Variants in SLC9A9 observed in about 807,000 individuals in gnomAD.
The protein encoded by SLC9A9 is solute carrier family 9 member A9.
In SLC9A9, 62 loss-of-function variants were observed where a neutral mutation model predicts 77.8. The ratio of observed to expected loss-of-function variants is 0.80; its 90% CI spans 0.65 to 0.98. The LOEUF is 0.98. Ranked by LOEUF, SLC9A9 falls within the 50% of genes least tolerant of loss-of-function variation. The pLI is 0.00. For synonymous variants in SLC9A9, 320 were observed against 283.5 expected (o/e 1.13, Z -1.29); for missense variants, 775 against 774.9 (o/e 1.00, Z 0.00).
At chr3:143,337,746 T>G (rs1487066077) in intron 14 of SLC9A9, among the ~76,000 whole-genome samples, 1 of 152,230 alleles carries the variant, frequency 6.6e-6, no homozygotes, top group African/African-American at 2.4e-5. Context: ...TGGCAAACCT[T>G]GATGCAGGTT....
At chr3:143,810,072 C>A (rs1318687157) in intron 2 of SLC9A9, among the ~76,000 whole-genome samples, 2 of 152,082 alleles carry the variant, frequency 1.3e-5, no homozygotes, top group African/African-American at 2.4e-5. Flanking sequence ...AAATTCAATT[C>A]TTAAAGATAA....
chr3:143,451,365 T>C (rs2035004870), intron 12 of SLC9A9, among the ~76,000 whole-genome samples: 1 of 152,198 alleles, frequency 6.6e-6, no homozygotes, highest in Non-Finnish European at 1.5e-5. Flanking sequence ...AAAACTTTAG[T>C]TAAAATCTCA....
In SLC9A9 at chr3:143,596,413, G is replaced by A. The variant is rs2037752877; in HGVS notation, c.756-17690C>T. On this transcript the variant is annotated intron_variant, in intron 6 of 15. Transcript: ENST00000316549. ...GTGAGTGAAGGATTTTGGTTTTGAT[G>A]GATGTTCTTGCTATACTCAAGGCTT... Among the ~76,000 whole-genome samples, 4 of 152,162 alleles carry A rather than the reference G, an allele frequency of 2.6e-5. No homozygotes were observed. The South Asian group carries it at 8.3e-4, about 32-fold the overall frequency.
chr3:143,739,246 G>C (rs1465579667), intron 4 of SLC9A9, among the ~76,000 whole-genome samples: 1 of 152,136 alleles, frequency 6.6e-6, no homozygotes, highest in Non-Finnish European at 1.5e-5. Context: ...TAATGAGCTT[G>C]TCATCACTCC....
chr3:143,587,267 G>C (rs1343562747), intron 6 of SLC9A9, among the ~76,000 whole-genome samples: 1 of 152,174 alleles, frequency 6.6e-6, no homozygotes, highest in East Asian at 1.9e-4. Context: ...CACAGCTCCT[G>C]ACCTCATGTT....
chr3:143,706,713 G>A (rs1411697681), intron 4 of SLC9A9, among the ~76,000 whole-genome samples: 4 of 152,190 alleles, frequency 2.6e-5, no homozygotes, highest in Non-Finnish European at 4.4e-5. Flanking sequence ...GAGCAAGCTT[G>A]TCTAACCCAC....
At chr3:143,546,615 C>T (rs2036795748) in intron 9 of SLC9A9, among the ~76,000 whole-genome samples, 1 of 152,142 alleles carries the variant, frequency 6.6e-6, no homozygotes, top group Non-Finnish European at 1.5e-5. Flanking sequence ...AATGATACCC[C>T]ACAATTGGTG....
At chr3:143,440,138 T>C (rs2034701479) in intron 12 of SLC9A9, among the ~76,000 whole-genome samples, 1 of 152,212 alleles carries the variant, frequency 6.6e-6, no homozygotes, top group South Asian at 2.1e-4. Context: ...AAGGAGCATA[T>C]GCTGACGGTG....
chr3:143,745,495 A>G (rs1248666662), intron 4 of SLC9A9, among the ~76,000 whole-genome samples: 3 of 152,236 alleles, frequency 2.0e-5, no homozygotes, highest in African/African-American at 7.2e-5. Flanking sequence ...AAAGAACAGA[A>G]CACTAAAATC....
chr3:143,556,891 G>A (rs554887539), intron 8 of SLC9A9, among the ~76,000 whole-genome samples: 1 of 152,284 alleles, frequency 6.6e-6, no homozygotes, highest in African/African-American at 2.4e-5. Context: ...GAGACAATGA[G>A]GAACACTAGG....
At chr3:143,762,201 G>A (rs1056246229) in intron 4 of SLC9A9, among the ~76,000 whole-genome samples, 2 of 152,116 alleles carry the variant, frequency 1.3e-5, no homozygotes, top group Non-Finnish European at 2.9e-5. Flanking sequence ...TGGGGTTGGG[G>A]GAGGGGGAAG....
chr3:143,819,814 T>C (rs2009120748), intron 2 of SLC9A9, among the ~76,000 whole-genome samples: 1 of 152,186 alleles, frequency 6.6e-6, no homozygotes, highest in South Asian at 2.1e-4. Context: ...TCATACACAG[T>C]GTCTCATTTA....
At chr3:143,318,712 G>C (rs972983781) in intron 14 of SLC9A9, among the ~76,000 whole-genome samples, 3 of 152,136 alleles carry the variant, frequency 2.0e-5, no homozygotes, top group Admixed American at 2.0e-4. Flanking sequence ...TACTCAACCT[G>C]CGATACCCAG....
At chr3:143,519,509 G>A (rs1381889002) in intron 9 of SLC9A9, among the ~76,000 whole-genome samples, 1 of 152,180 alleles carries the variant, frequency 6.6e-6, no homozygotes, top group Non-Finnish European at 1.5e-5. Flanking sequence ...AAGACTTAAC[G>A]ATGATTCTGG....
At chr3:143,772,070 G>T (rs2166776) in intron 4 of SLC9A9, among the ~76,000 whole-genome samples, 57,026 of 150,496 alleles carry the variant, frequency 0.38, 11,085 homozygotes, top group African/African-American at 0.42. Flanking sequence ...TGGACAATGG[G>T]AGGGGGGTGA....
intron 4 of SLC9A9, among the ~76,000 whole-genome samples, chr3:143,712,856 G>C (rs755625559): frequency 2.0e-5 from 3 of 152,148 alleles, no homozygotes; most frequent in Non-Finnish European, 4.4e-5. Flanking sequence ...ACAGAAAATT[G>C]CCAAGACCTT....
chr3:143,812,339 A>C (rs2008890928), intron 2 of SLC9A9, among the ~76,000 whole-genome samples: 1 of 152,232 alleles, frequency 6.6e-6, no homozygotes, highest in Non-Finnish European at 1.5e-5. Context: ...GAAAAAACAA[A>C]TCATTGAGGA....
chr3:143,330,059 C>G (rs1186535052), intron 14 of SLC9A9, among the ~76,000 whole-genome samples: 1 of 152,128 alleles, frequency 6.6e-6, no homozygotes, highest in Non-Finnish European at 1.5e-5. Flanking sequence ...GCTGTGACCT[C>G]CCCCATGCCT....
intron 15 of SLC9A9, 40 bp downstream of exon 15, chr3:143,268,835 A>G (rs1026523744): frequency 2.6e-6 from 4 of 1,518,498 alleles, no homozygotes; most frequent in African/African-American, 1.4e-5. Flanking sequence ...CTGTCCCACA[A>G]GGGATATTCC....
Sources: gnomAD v4.1 joint callset for allele counts (sites outside exome capture counted in the v4.1 genomes callset) on GRCh38, gnomAD v4.1.1 for gene constraint, MANE v1.5 for transcripts, NCBI Gene and HGNC (gene_info 2026-07-23, HGNC 2026-07-21) for gene names.